The following L3MBTL4 variants were observed in gnomAD, a reference collection of about 807,000 sequenced individuals.
L3MBTL4 encodes L3MBTL histone methyl-lysine binding protein 4.
Under a neutral mutation model 84.5 loss-of-function variants are expected in L3MBTL4, and 70 were observed. That is an observed-to-expected ratio of 0.83 (90% CI 0.68 to 1.01). The LOEUF (loss-of-function observed/expected upper bound fraction) is 1.01. Among genes scored for constraint, L3MBTL4 ranks in the 50% least tolerant of loss-of-function variants. The pLI is 0.00. For synonymous variants in L3MBTL4, 274 were observed against 259.8 expected, an observed-to-expected ratio of 1.05 and a Z score of -0.52; for missense variants, 715 against 754.8, an observed-to-expected ratio of 0.95 and a Z score of 0.62.
At chr18:6,284,717 T>C (rs2049485641) in intron 4 of L3MBTL4, among the ~76,000 whole-genome samples, 1 of 152,002 alleles carries the variant, frequency 6.6e-6, no homozygotes, top group African/African-American at 2.4e-5. Flanking sequence ...TTCCCTTCTC[T>C]TTCCCTCCTG....
At chr18:6,250,947 G>A (rs2047897384) in intron 5 of L3MBTL4, among the ~76,000 whole-genome samples, 1 of 152,134 alleles carries the variant, frequency 6.6e-6, no homozygotes, top group South Asian at 2.1e-4. Context: ...AATGTAAAGG[G>A]TGAAATATGA....
intron 18 of L3MBTL4, among the ~76,000 whole-genome samples, chr18:5,958,078 A>G (rs1284851310): frequency 7.9e-5 from 4 of 50,900 alleles, no homozygotes; most frequent in East Asian, 2.2e-3. Flanking sequence ...AAGAAGAAGA[A>G]GAAGAAGAAG....
At chr18:6,071,713 GAAGGAAA>G in intron 16 of L3MBTL4, among the ~76,000 whole-genome samples, 1 of 54,058 alleles carries the variant, frequency 1.8e-5, no homozygotes, top group Non-Finnish European at 3.6e-5. Flanking sequence ...AAGAAAGAAA[GAAGGAAA>G]GAAAGAAGGA....
intron 17 of L3MBTL4, chr18:5,960,600 C>T (rs1257181392): frequency 6.6e-6 from 1 of 152,446 alleles, no homozygotes; most frequent in African/African-American, 2.4e-5. Flanking sequence ...GTGGCCCAGT[C>T]CCTTACCTGG....
intron 1 of L3MBTL4, among the ~76,000 whole-genome samples, chr18:6,335,835 C>A: frequency 6.6e-6 from 1 of 152,320 alleles, no homozygotes; most frequent in East Asian, 1.9e-4. Flanking sequence ...TTTTAAGTCT[C>A]CTGAGGCCTC....
intron 12 of L3MBTL4, among the ~76,000 whole-genome samples, chr18:6,187,084 AT>A (rs1346046153): frequency 6.6e-6 from 1 of 152,224 alleles, no homozygotes; most frequent in Non-Finnish European, 1.5e-5. Context: ...AATCTCAGTT[AT>A]AGATGATATG....
chr18:6,146,914 T>G (rs939181892), intron 13 of L3MBTL4, among the ~76,000 whole-genome samples: 1 of 151,634 alleles, frequency 6.6e-6, no homozygotes, highest in Non-Finnish European at 1.5e-5. Flanking sequence ...AAAACCTATG[T>G]GTGCAGATGA....
At chr18:6,193,103 C>T (rs2045201340) in intron 12 of L3MBTL4, among the ~76,000 whole-genome samples, 2 of 151,830 alleles carry the variant, frequency 1.3e-5, no homozygotes, top group South Asian at 2.1e-4. Context: ...AAAAGGGTTA[C>T]ATTATTGTTA....
intron 1 of L3MBTL4, among the ~76,000 whole-genome samples, chr18:6,358,767 C>G (rs563217020): frequency 6.6e-6 from 1 of 152,144 alleles, no homozygotes; most frequent in East Asian, 1.9e-4. Context: ...CCCTTTTGCA[C>G]GTGGAAAGCA....
chr18:6,106,401 G>A (rs1286587750), intron 14 of L3MBTL4, among the ~76,000 whole-genome samples: 1 of 152,180 alleles, frequency 6.6e-6, no homozygotes, highest in Non-Finnish European at 1.5e-5. Flanking sequence ...AGAATACTTT[G>A]AGGGAATTTG....
At chr18:6,383,095 G>A (rs1393349829) in intron 1 of L3MBTL4, among the ~76,000 whole-genome samples, 2 of 152,138 alleles carry the variant, frequency 1.3e-5, no homozygotes, top group African/African-American at 2.4e-5. Context: ...CATCCTAGCA[G>A]CTTTGTTTAC....
chr18:5,996,944 T>A (rs1487687876), intron 16 of L3MBTL4, among the ~76,000 whole-genome samples: 1 of 152,092 alleles, frequency 6.6e-6, no homozygotes, highest in Non-Finnish European at 1.5e-5. Context: ...ATTTGGGGAT[T>A]TAAAAGAGAG....
chr18:5,956,966 T>A (rs1203468562), intron 18 of L3MBTL4, among the ~76,000 whole-genome samples: 1 of 152,216 alleles, frequency 6.6e-6, no homozygotes, highest in African/African-American at 2.4e-5. Context: ...GAGAAAGATT[T>A]CAGTTTTACT....
intron 12 of L3MBTL4, among the ~76,000 whole-genome samples, chr18:6,179,778 C>CCACCA (rs924135895): frequency 7.2e-5 from 11 of 152,178 alleles, no homozygotes; most frequent in Non-Finnish European, 1.5e-4. Context: ...CAGGCGCATG[C>CCACCA]CACCACACCA....
At chr18:6,346,347 C>T (rs567518450) in intron 1 of L3MBTL4, among the ~76,000 whole-genome samples, 1 of 151,688 alleles carries the variant, frequency 6.6e-6, no homozygotes, top group African/African-American at 2.4e-5. Context: ...AGTGGGATTA[C>T]CTCAAACCAA....
chr18:6,138,353 T>A, intron 13 of L3MBTL4, 57 bp from the exon 14 acceptor site: 1 of 1,046,528 alleles, frequency 9.6e-7, no homozygotes, highest in Non-Finnish European at 1.4e-6. Flanking sequence ...AGACTGCAAA[T>A]CTGAAATATG....
At chr18:5,958,881 C>T (rs1277659258) in intron 18 of L3MBTL4, among the ~76,000 whole-genome samples, 1 of 152,076 alleles carries the variant, frequency 6.6e-6, no homozygotes, top group African/African-American at 2.4e-5. Flanking sequence ...ATTCAACCTG[C>T]AAAAAGCCAC....
At chr18:6,383,775 C>T (rs904939093) in intron 1 of L3MBTL4, among the ~76,000 whole-genome samples, 1 of 152,136 alleles carries the variant, frequency 6.6e-6, no homozygotes, top group Admixed American at 6.5e-5. Flanking sequence ...GCCAGCAATC[C>T]CTATTAAATC....
At chr18:6,364,322 ATATT>A (rs1379730349) in intron 1 of L3MBTL4, among the ~76,000 whole-genome samples, 7 of 152,014 alleles carry the variant, frequency 4.6e-5, no homozygotes, top group Admixed American at 6.5e-5. Context: ...AAACTAATAA[ATATT>A]CTTAATTTTT....
Sources: allele counts gnomAD v4.1 joint callset (sites outside exome capture counted in the v4.1 genomes callset), GRCh38; gene constraint gnomAD v4.1.1; transcripts MANE v1.5; gene names NCBI Gene and HGNC (gene_info 2026-07-23, HGNC 2026-07-21).